The following NYAP2 variants were observed in gnomAD, a reference collection of about 807,000 sequenced individuals.
NYAP2 encodes neuronal tyrosine-phosphorylated phosphoinositide-3-kinase adapter 2.
Under a neutral mutation model 50.4 loss-of-function variants are expected in NYAP2, and 23 were observed. The ratio of observed to expected loss-of-function variants is 0.46; its 90% confidence interval spans 0.33 to 0.65. The LOEUF (loss-of-function observed/expected upper bound fraction) is 0.65. Ranked by LOEUF, NYAP2 falls within the 30% of genes least tolerant of loss-of-function variation. The pLI is 0.02. For missense variants in NYAP2, 885 were observed against 861.0 expected (o/e 1.03, Z -0.35); for synonymous variants, 394 against 365.2 (o/e 1.08, Z -0.90).
chr2:225,624,599 A>G (rs1362981861), intron 5 of NYAP2, among the ~76,000 whole-genome samples: 1 of 152,222 alleles, frequency 6.6e-6, no homozygotes, highest in Non-Finnish European at 1.5e-5. Context: ...ATAATAGGCT[A>G]CAGTTCTGTT....
intron 3 of NYAP2, among the ~76,000 whole-genome samples, chr2:225,479,198 C>T (rs1690166387): frequency 6.6e-6 from 1 of 152,126 alleles, no homozygotes; most frequent in African/African-American, 2.4e-5. Flanking sequence ...ACATAAGCTT[C>T]TCTCTACTCT....
chr2:225,442,824 C>T (rs1290225964), intron 3 of NYAP2, among the ~76,000 whole-genome samples: 3 of 152,168 alleles, frequency 2.0e-5, no homozygotes, highest in Admixed American at 2.0e-4. Flanking sequence ...AATCCACCTG[C>T]CTTGGCCCCC....
chr2:225,650,369 G>A (rs567837406), intron 6 of NYAP2, among the ~76,000 whole-genome samples: 3 of 152,258 alleles, frequency 2.0e-5, no homozygotes, highest in East Asian at 3.9e-4. Context: ...TCTGGCACGC[G>A]TGTCAGTTCT....
At chr2:225,510,252 C>T (rs114136189) in intron 3 of NYAP2, among the ~76,000 whole-genome samples, 1,542 of 152,234 alleles carry the variant, frequency 0.01, 25 homozygotes, top group African/African-American at 0.035. Context: ...TTTTCTCATT[C>T]GTGATATTTT....
intron 4 of NYAP2, among the ~76,000 whole-genome samples, chr2:225,531,230 A>G (rs1286944208): frequency 1.3e-5 from 2 of 152,070 alleles, no homozygotes; most frequent in Non-Finnish European, 2.9e-5. Flanking sequence ...CAGACTACCT[A>G]GTTTACTCCA....
At chr2:225,431,204 T>G (rs569631817) in intron 3 of NYAP2, among the ~76,000 whole-genome samples, 1 of 152,364 alleles carries the variant, frequency 6.6e-6, no homozygotes, top group South Asian at 2.1e-4. Flanking sequence ...CAGAAGTTAT[T>G]TCAAATGCCA....
In NYAP2 at chr2:225,582,167, G is replaced by A; in HGVS notation, c.750G>A (p.Gly250=). 1 of 1,614,032 alleles carries A rather than the reference G, an allele frequency of 6.2e-7. No homozygotes were observed. The highest frequency in any genetic ancestry group is 8.5e-7 in the Non-Finnish European group (1 of 1,179,890). ...AGCCCGTGTACATCGAGATGGTGGG[G>A]AACATTCTCAGAGACTTCAGGAAGG... The change falls in exon 5 of 7, where the codon GGG becomes GGA. Residue 250 remains glycine, a synonymous_variant. Coordinates refer to ENST00000636099, the Ensembl canonical transcript of NYAP2. This position sits in a 1 kb window ranked among gnomAD's most constrained non-coding sequence, Gnocchi z 7.0.
chr2:225,401,650 A>G (rs941789839), intron 2 of NYAP2, among the ~76,000 whole-genome samples: 2 of 152,142 alleles, frequency 1.3e-5, no homozygotes, highest in Admixed American at 1.3e-4. Flanking sequence ...CTTTAGGTGG[A>G]CTTGTTTTAC....
intron 4 of NYAP2, among the ~76,000 whole-genome samples, chr2:225,537,116 C>A (rs1691365742): frequency 6.6e-6 from 1 of 152,030 alleles, no homozygotes; most frequent in African/African-American, 2.4e-5. Flanking sequence ...TACCCAATAA[C>A]CATGCCCACT....
At chr2:225,515,737 T>C (rs1353449150) in intron 4 of NYAP2, among the ~76,000 whole-genome samples, 1 of 152,184 alleles carries the variant, frequency 6.6e-6, no homozygotes, top group Admixed American at 6.6e-5. Flanking sequence ...TTTCTGTGAT[T>C]CTCTGTGCAG....
At chr2:225,610,822 A>T (rs555856204) in intron 5 of NYAP2, among the ~76,000 whole-genome samples, 9 of 152,302 alleles carry the variant, frequency 5.9e-5, no homozygotes, top group African/African-American at 2.2e-4. Context: ...TGAGCCTTCT[A>T]AACATGCACA....
At chr2:225,574,313 G>A (rs1458604309) in intron 4 of NYAP2, among the ~76,000 whole-genome samples, 1 of 152,142 alleles carries the variant, frequency 6.6e-6, no homozygotes, top group Non-Finnish European at 1.5e-5. Flanking sequence ...GGAAGGGGAG[G>A]AACATAGAAG....
intron 3 of NYAP2, among the ~76,000 whole-genome samples, chr2:225,431,337 C>T (rs1482432074): frequency 6.6e-6 from 1 of 152,168 alleles, no homozygotes; most frequent in Non-Finnish European, 1.5e-5. Flanking sequence ...TTCAGACTTT[C>T]CGTTTACATA....
At chr2:225,672,230 A>G in the NYAP2 span, among the ~76,000 whole-genome samples, 58 of 152,286 alleles carry the variant, frequency 3.8e-4, no homozygotes, top group African/African-American at 1.4e-3. Flanking sequence ...AAGTCTTTTT[A>G]GTATAGCCAC....
At chr2:225,451,953 C>T (rs1559183566) in intron 3 of NYAP2, among the ~76,000 whole-genome samples, 2 of 152,070 alleles carry the variant, frequency 1.3e-5, no homozygotes, top group Non-Finnish European at 2.9e-5. Flanking sequence ...TATATATGCA[C>T]ATACACACAC....
At chr2:225,458,663 A>G (rs1250883014) in intron 3 of NYAP2, among the ~76,000 whole-genome samples, 2 of 152,230 alleles carry the variant, frequency 1.3e-5, no homozygotes, top group Admixed American at 1.3e-4. Context: ...TCCATTGTTT[A>G]CATGTCTGTG....
At chr2:225,446,903 G>T (rs1476126436) in intron 3 of NYAP2, among the ~76,000 whole-genome samples, 4 of 152,038 alleles carry the variant, frequency 2.6e-5, no homozygotes, top group Non-Finnish European at 4.4e-5. Flanking sequence ...AGCTCCCCAT[G>T]TTCTAGTCCC....
chr2:225,520,670 C>T (rs1384702059), intron 4 of NYAP2, among the ~76,000 whole-genome samples: 1 of 152,306 alleles, frequency 6.6e-6, no homozygotes, highest in South Asian at 2.1e-4. Context: ...GTTTTGGTTA[C>T]TGTAGCCTTG....
intron 3 of NYAP2, among the ~76,000 whole-genome samples, chr2:225,512,870 T>A (rs1395420273): frequency 1.4e-5 from 2 of 144,038 alleles, no homozygotes; most frequent in Admixed American, 7.0e-5. Flanking sequence ...CCTTCCTTCC[T>A]TCCTTCCTTC....
Sources: gnomAD v4.1 joint callset for allele counts (sites outside exome capture counted in the v4.1 genomes callset) on GRCh38, gnomAD v4.1.1 for gene constraint, Gnocchi (gnomAD v3.1) non-coding constraint, MANE v1.5 for transcripts, NCBI Gene and HGNC (gene_info 2026-07-23, HGNC 2026-07-21) for gene names.